Variants in CACNA1B observed in about 807,000 individuals in gnomAD.
The protein encoded by CACNA1B is voltage-dependent N-type calcium channel subunit alpha-1B.
Under a neutral mutation model 247.2 loss-of-function variants are expected in CACNA1B, and 70 were observed. That is an observed-to-expected ratio of 0.28 (90% CI 0.23 to 0.35). The LOEUF (loss-of-function observed/expected upper bound fraction) is 0.35. CACNA1B is among the 10% of genes least tolerant of loss of function. The pLI is 1.00. For missense variants in CACNA1B, 2,367 were observed against 3,197.4 expected, an observed-to-expected ratio of 0.74 and a Z score of 6.26; for synonymous variants, 1,231 against 1,294.4, an observed-to-expected ratio of 0.95 and a Z score of 1.05.
chr9:138,010,057 A>G lies in CACNA1B; in HGVS notation c.2140A>G (p.Asn714Asp), dbSNP rs1310476420. The change falls in exon 17 of 47, where the codon AAC becomes GAC. Residue 714 changes from asparagine (N) to aspartate (D), a missense_variant. By Grantham distance (23) the Asn-to-Asp change is conservative. Transcript: ENST00000371372. The surrounding 1 kb of genome is among the most constrained non-coding windows in gnomAD (Gnocchi z 5.3). ...GGCCATCGCTGTGGACAACCTGGCC[A>G]ACGCCCAAGAGCTGACCAAGGTAGG... ...FLAIAVDNLA[N>D]AQELTKDEEE... The G allele has an allele frequency of 6.2e-7, 1 of 1,613,668 alleles. No individual in the cohort carries two copies. Among genetic ancestry groups the G allele is most frequent in the Non-Finnish European group, 8.5e-7 (1 of 1,179,698 alleles).
chr9:138,075,966 A>T (rs1564274457), intron 35 of CACNA1B, 56 bp downstream of exon 35: 32 of 1,173,812 alleles, frequency 2.7e-5, no homozygotes, highest in Admixed American at 5.8e-5. Context: ...GGGCTGCTTT[A>T]CTCAGGATGA....
At position 137,899,087 on chromosome 9, in the gene CACNA1B, T is replaced by C. The variant is rs1446318115; in HGVS notation, c.531-14093T>C. Among the ~76,000 whole-genome samples the C allele has an allele frequency of 1.5e-4, 23 of 151,604 alleles. No individual in the cohort carries two copies. Among genetic ancestry groups the C allele is most frequent in the Non-Finnish European group, 2.9e-5 (2 of 67,920 alleles). Reference sequence around the variant, plus strand: ...CTGCCTGGCCTTCTTTTTTCTCTCTTTCTTTCTTTTTTTTTTGTCAGTTGG... The same window carrying C: ...CTGCCTGGCCTTCTTTTTTCTCTCTCTCTTTCTTTTTTTTTTGTCAGTTGG... On this transcript the variant is annotated intron_variant, in intron 3 of 46. Transcript: ENST00000371372. This position sits in a 1 kb window ranked among gnomAD's most constrained non-coding sequence, Gnocchi z 5.0.
Position 137,906,557 on chromosome 9 carries a change from G to A in CACNA1B, c.531-6623G>A, listed in dbSNP as rs138230447. Among the ~76,000 whole-genome samples, 321 of 151,004 alleles carry A rather than the reference G, an allele frequency of 2.1e-3. 1 individual carries two copies. The highest frequency in any genetic ancestry group is 3.9e-3 in the Non-Finnish European group (267 of 67,792). On this transcript the variant is annotated intron_variant, in intron 3 of 46. Coordinates refer to ENST00000371372, the MANE Select transcript of CACNA1B (RefSeq NM_000718.4). ...AACATACGTCTTTCTCTGCATCCCC[G>A]TGTGATGCCTTATTTAACATATGTG... is the stretch of plus-strand genomic sequence containing the variant.
rs761390672 is a variant in CACNA1B at position 137,882,697 on chromosome 9, A to G, written c.391-47A>G. The G allele has an allele frequency of 1.9e-6, 3 of 1,611,032 alleles. No individual in the cohort carries two copies. The highest frequency in any genetic ancestry group is 2.2e-5 in the East Asian group (1 of 44,822). ...TCACCAACCGTCTCTGCCCGCTACT[A>G]CACCGGGTAGGGGCCAGGGGTGACC... On this transcript the variant is annotated intron_variant, in intron 2 of 46. Transcript: ENST00000371372. The surrounding 1 kb of genome is among the most constrained non-coding windows in gnomAD (Gnocchi z 4.0).
chr9:138,074,135 C>T (rs79650862), intron 34 of CACNA1B, 69 bp downstream of exon 34: 1 of 1,044,826 alleles, frequency 9.6e-7, no homozygotes, highest in Non-Finnish European at 1.5e-6. Context: ...GGGCACTGAT[C>T]ATGATTGTCA....
At chr9:138,039,697 A>G (rs770516851) in intron 20 of CACNA1B, among the ~76,000 whole-genome samples, 7 of 152,030 alleles carry the variant, frequency 4.6e-5, no homozygotes, top group Non-Finnish European at 7.4e-5. Context: ...CATGATCTGT[A>G]TGATAGTTTT....
intron 13 of CACNA1B, among the ~76,000 whole-genome samples, chr9:137,985,955 G>A (rs561052403): frequency 5.8e-4 from 88 of 152,362 alleles, no homozygotes; most frequent in Admixed American, 1.6e-3. Flanking sequence ...CGGCCACAGC[G>A]CTTGCAGATC....
At chr9:138,055,752 C>G (rs539510524) in intron 26 of CACNA1B, among the ~76,000 whole-genome samples, 19 of 152,222 alleles carry the variant, frequency 1.2e-4, no homozygotes, top group Admixed American at 1.1e-3. Flanking sequence ...TTAGGCCAGG[C>G]GCGGTGGCTC....
Position 138,102,848 on chromosome 9 carries a change from TGTGCTTGCTGAGGG to T in CACNA1B, c.5319+52_5319+65del. On this transcript the variant is annotated intron_variant, in intron 38 of 46. Coordinates refer to ENST00000371372, the MANE Select transcript of CACNA1B (RefSeq NM_000718.4). The surrounding 1 kb of genome is among the most constrained non-coding windows in gnomAD (Gnocchi z 5.4). Reference sequence around the variant, plus strand: ...GCAACCCGCCCCCCAGGAGGCTGTGTGTGCTTGCTGAGGGGTGCTTGCTGGCTCTCCCAGCTCCT... The same window carrying T: ...GCAACCCGCCCCCCAGGAGGCTGTGTGTGCTTGCTGGCTCTCCCAGCTCCT... 1 of 1,323,370 alleles carries T rather than the reference TGTGCTTGCTGAGGG, an allele frequency of 7.6e-7. No homozygotes were observed. Among genetic ancestry groups the T allele is most frequent in the Non-Finnish European group, 1.1e-6 (1 of 927,716 alleles). The allele number at this position is 1,323,370 out of a possible 1,614,324, so 82.0% of individuals were successfully genotyped here. A position where few individuals can be genotyped will look rare whatever the true frequency, so the allele number is the denominator to read the frequency against.
At chr9:138,065,216 C>T (rs1336415897) in intron 31 of CACNA1B, among the ~76,000 whole-genome samples, 1 of 152,206 alleles carries the variant, frequency 6.6e-6, no homozygotes, top group Non-Finnish European at 1.5e-5. Context: ...CATCCAGTCC[C>T]TCCCACCTTG....
Position 138,120,891 on chromosome 9 carries a change from A to C in CACNA1B, c.6489+10A>C. 6.4e-7 allele frequency: 1 copy of C among 1,559,456 alleles called. No individual in the cohort carries two copies. Among genetic ancestry groups the C allele is most frequent in the South Asian group, 1.2e-5 (1 of 84,362 alleles). ...GGGACCCCACCCACAGGTAAGAGGA[A>C]TAGGTGGAGAGGTCAGGGCCCAGCT... is the stretch of plus-strand genomic sequence containing the variant. On this transcript the variant is annotated intron_variant, in intron 46 of 46. Coordinates refer to ENST00000371372, the MANE Select transcript of CACNA1B (RefSeq NM_000718.4).
At chr9:137,966,573 C>T (rs1445694444) in intron 10 of CACNA1B, among the ~76,000 whole-genome samples, 3 of 150,204 alleles carry the variant, frequency 2.0e-5, no homozygotes, top group East Asian at 2.0e-4. Flanking sequence ...GAGTCTTGCT[C>T]TGTCACCCAG....
intron 36 of CACNA1B, among the ~76,000 whole-genome samples, chr9:138,088,486 A>C (rs1960774464): frequency 6.6e-6 from 1 of 152,200 alleles, no homozygotes; most frequent in Non-Finnish European, 1.5e-5. Context: ...AACTAATATC[A>C]TAGAAATACA....
chr9:138,037,701 C>T (rs113195347), intron 20 of CACNA1B, among the ~76,000 whole-genome samples: 66 of 152,082 alleles, frequency 4.3e-4, no homozygotes, highest in African/African-American at 1.5e-3. Flanking sequence ...AAATCCAGTT[C>T]CCTTCTTTTG....
intron 32 of CACNA1B, 72 bp downstream of exon 32, chr9:138,069,835 G>T: frequency 7.1e-7 from 1 of 1,402,570 alleles, no homozygotes; most frequent in South Asian, 1.2e-5. Context: ...CTGCTCTCTG[G>T]TTCCTGGGAC....
chr9:137,985,533 T>A (rs1325730017), intron 13 of CACNA1B, among the ~76,000 whole-genome samples: 1 of 152,188 alleles, frequency 6.6e-6, no homozygotes, highest in African/African-American at 2.4e-5. Context: ...TTCCATCCCG[T>A]CTGCCATTAG....
intron 20 of CACNA1B, chr9:138,032,895 A>T (rs59016958): frequency 3.4e-5 from 10 of 294,808 alleles, no homozygotes; most frequent in Non-Finnish European, 5.9e-5. Flanking sequence ...GGTTTGCTCA[A>T]TTTCTTGAAT....
At chr9:138,093,403 C>CAAAAAA (rs58608297) in intron 36 of CACNA1B, among the ~76,000 whole-genome samples, 63 of 43,016 alleles carry the variant, frequency 1.5e-3, no homozygotes, top group Non-Finnish European at 2.1e-3. Context: ...GACTCTGTCT[C>CAAAAAA]AAAAAAAAAA....
intron 6 of CACNA1B, among the ~76,000 whole-genome samples, chr9:137,943,426 C>A (rs772275609): frequency 6.6e-6 from 1 of 152,138 alleles, no homozygotes; most frequent in Non-Finnish European, 1.5e-5. Context: ...AGATAAAGAA[C>A]GAGTCATTAT....
Sources: allele counts gnomAD v4.1 joint callset (sites outside exome capture counted in the v4.1 genomes callset), GRCh38; gene constraint gnomAD v4.1.1; non-coding constraint Gnocchi (gnomAD v3.1); transcripts MANE v1.5; gene names NCBI Gene and HGNC (gene_info 2026-07-23, HGNC 2026-07-21).